Variants in ATP11C observed in about 807,000 individuals in gnomAD.
ATP11C encodes ATPase phospholipid transporting 11C (ATP11C blood group).
In ATP11C, 36 loss-of-function variants were observed where a neutral mutation model predicts 97.4. The ratio of observed to expected loss-of-function variants is 0.37; its 90% CI spans 0.28 to 0.49. The LOEUF (loss-of-function observed/expected upper bound fraction) is 0.49, where lower values mean the gene tolerates loss of function less well. Ranked by LOEUF, ATP11C falls within the 20% of genes least tolerant of loss-of-function variation. ATP11C has a pLI of 0.98. For missense variants in ATP11C, 730 were observed against 824.6 expected (o/e 0.89, Z 1.40); for synonymous variants, 275 against 290.9 (o/e 0.95, Z 0.56).
intron 13 of ATP11C, 94 bp downstream of exon 13, chrX:139,789,233 T>C: frequency 1.4e-6 from 1 of 699,331 alleles, no homozygotes; most frequent in Non-Finnish European, 2.1e-6. Flanking sequence ...CAAAAGTCTA[T>C]GTCATGTGTC....
chrX:139,865,694 G>A (rs2148001344), intron 1 of ATP11C, among the ~76,000 whole-genome samples: 1 of 111,258 alleles, frequency 9.0e-6, no homozygotes, highest in East Asian at 2.8e-4. Flanking sequence ...CCGGGAGGCG[G>A]AGGTTGCAGT....
intron 1 of ATP11C, among the ~76,000 whole-genome samples, chrX:139,930,365 A>C (rs1160457426): frequency 9.6e-6 from 1 of 103,641 alleles, no homozygotes; most frequent in East Asian, 2.9e-4. Flanking sequence ...CAAATCCTTA[A>C]AAAAAAAAAA....
chrX:139,780,088 G>C (rs1030144658), intron 18 of ATP11C, among the ~76,000 whole-genome samples: 20 of 111,344 alleles, frequency 1.8e-4, no homozygotes, highest in Admixed American at 9.5e-5. Flanking sequence ...CAGGACCAGA[G>C]AGATTAACAG....
rs375981344 is a variant in ATP11C at position 139,820,310 on chromosome X, A to T, written c.148-883T>A. ...CAGCTACTTGAGAGGCTAAGACACG[A>T]GAATCGCTTGAACCCAGGAGGCGGA... On this transcript the variant is annotated intron_variant, in intron 2 of 29. Transcript: ENST00000682941. 4.7e-3 allele frequency among the ~76,000 whole-genome samples: 519 copies of T among 111,065 alleles called. 5 individuals are homozygous for T. Among genetic ancestry groups the T allele is most frequent in the African/African-American group, 0.015 (468 of 30,507 alleles).
At chrX:139,896,619 GTCTCTC>G (rs202000678) in intron 1 of ATP11C, among the ~76,000 whole-genome samples, 8,632 of 90,763 alleles carry the variant, frequency 0.095, 678 homozygotes, top group East Asian at 0.26. Context: ...TTGAGAAAGA[GTCTCTC>G]TCTCTCTCTC....
chrX:139,797,986 C>T (rs1206300641), intron 10 of ATP11C, among the ~76,000 whole-genome samples: 1 of 111,839 alleles, frequency 8.9e-6, no homozygotes, highest in African/African-American at 3.2e-5. Flanking sequence ...AAACTCTGCC[C>T]TTTAATAGCT....
At chrX:139,782,796 T>A in intron 17 of ATP11C, 68 bp from the exon 18 acceptor site, 1 of 795,996 alleles carries the variant, frequency 1.3e-6, no homozygotes, top group Non-Finnish European at 1.8e-6. Context: ...ACACACTCTG[T>A]AAATACTCTT....
intron 1 of ATP11C, among the ~76,000 whole-genome samples, chrX:139,876,372 C>G (rs963639335): frequency 8.9e-6 from 1 of 112,213 alleles, no homozygotes; most frequent in East Asian, 2.8e-4. Context: ...GTCAAGTACC[C>G]TTTCCAAACA....
chrX:139,828,994 C>T (rs1294381281), intron 1 of ATP11C, among the ~76,000 whole-genome samples: 2 of 112,290 alleles, frequency 1.8e-5, no homozygotes, highest in Non-Finnish European at 3.8e-5. Context: ...TTTCCTCATA[C>T]ACTATCTCTC....
At chrX:139,768,135 G>T in intron 20 of ATP11C, 125 bp downstream of exon 20, 2 of 462,690 alleles carry the variant, frequency 4.3e-6, no homozygotes, top group Non-Finnish European at 6.3e-6. Context: ...AAGAAGCCTT[G>T]GAGGAAGAAA....
rs558034737 is a variant in ATP11C, at chrX:139,790,896, C to T, written c.1207-1408G>A. The stretch of plus-strand genomic sequence containing the variant: ...AAATAAATTTGCCACTAAGATAAAT[C>T]ATTTTGAGCATTTCTATTTTATCTC... On this transcript the variant is annotated intron_variant, in intron 12 of 29. Transcript: ENST00000682941. Among the ~76,000 whole-genome samples, 30 of 111,192 alleles carry T rather than the reference C, an allele frequency of 2.7e-4. No homozygotes were observed. In the East Asian group the frequency reaches 7.9e-3, roughly 29 times the overall value.
intron 5 of ATP11C, among the ~76,000 whole-genome samples, chrX:139,810,887 G>A (rs748602574): frequency 2.1e-5 from 2 of 97,052 alleles, no homozygotes; most frequent in South Asian, 1.0e-3. Context: ...TTTTTTTTCA[G>A]ACGCACTCAC....
At chrX:139,838,613 G>C (rs939860118) in intron 1 of ATP11C, among the ~76,000 whole-genome samples, 1 of 112,003 alleles carries the variant, frequency 8.9e-6, no homozygotes, top group Non-Finnish European at 1.9e-5. Flanking sequence ...ACAGGTATCA[G>C]AACAAAAACT....
chrX:139,760,777 C>T (rs759081880), intron 22 of ATP11C, among the ~76,000 whole-genome samples: 4 of 111,272 alleles, frequency 3.6e-5, no homozygotes, highest in Admixed American at 9.6e-5. Flanking sequence ...CAATGTTGCA[C>T]AATTATCATG....
At chrX:139,905,563 C>G (rs2084961208) in intron 1 of ATP11C, among the ~76,000 whole-genome samples, 1 of 111,762 alleles carries the variant, frequency 8.9e-6, no homozygotes, top group Non-Finnish European at 1.9e-5. Flanking sequence ...CAAAGACAAT[C>G]TATGTACTCC....
At chrX:139,771,421 A>G (rs772311849) in intron 19 of ATP11C, among the ~76,000 whole-genome samples, 1 of 111,530 alleles carries the variant, frequency 9.0e-6, no homozygotes, top group Admixed American at 9.5e-5. Context: ...TGGTACCAGT[A>G]GAGTGGGGTG....
intron 6 of ATP11C, among the ~76,000 whole-genome samples, chrX:139,803,960 C>T (rs2082987643): frequency 9.1e-6 from 1 of 109,951 alleles, no homozygotes; most frequent in Admixed American, 9.8e-5. Context: ...CTCAGCCTCC[C>T]AAAGTGCTAG....
At chrX:139,897,931 CAAA>C (rs376963849) in intron 1 of ATP11C, among the ~76,000 whole-genome samples, 8 of 72,486 alleles carry the variant, frequency 1.1e-4, no homozygotes, top group Admixed American at 3.1e-4. Flanking sequence ...AACCCTGTGT[CAAA>C]AAAAAAAAAA....
At chrX:139,853,291 C>T (rs1569480121) in intron 1 of ATP11C, among the ~76,000 whole-genome samples, 1 of 106,159 alleles carries the variant, frequency 9.4e-6, no homozygotes, top group Admixed American at 1.0e-4. Context: ...GAGACAGAGA[C>T]AGAGACAGAA....
Sources: gnomAD v4.1 joint callset for allele counts (sites outside exome capture counted in the v4.1 genomes callset) on GRCh38, gnomAD v4.1.1 for gene constraint, MANE v1.5 for transcripts, NCBI Gene and HGNC (gene_info 2026-07-23, HGNC 2026-07-21) for gene names.